Variants in ST6GALNAC3 observed in about 807,000 individuals in gnomAD.
ST6GALNAC3 encodes alpha-N-acetylgalactosaminide alpha-2,6-sialyltransferase 3.
ST6GALNAC3 carries 25 observed loss-of-function variants against 32.7 expected under a neutral mutation model. That is an observed-to-expected ratio of 0.76 (90% CI 0.56 to 1.07). ST6GALNAC3 has a LOEUF of 1.07. Among genes scored for constraint, ST6GALNAC3 ranks in the 50% least tolerant of loss-of-function variants. The pLI, the probability that ST6GALNAC3 is intolerant of heterozygous loss-of-function variation, is 0.00. For synonymous variants in ST6GALNAC3, 129 were observed against 133.1 expected (o/e 0.97, Z 0.21); for missense variants, 355 against 382.4 (o/e 0.93, Z 0.60).
chr1:76,500,218 A>G (rs1424191862), intron 3 of ST6GALNAC3, among the ~76,000 whole-genome samples: 1 of 152,220 alleles, frequency 6.6e-6, no homozygotes, highest in Non-Finnish European at 1.5e-5. Context: ...AATCAGTATT[A>G]TATGAATACT....
chr1:76,217,008 T>C (rs935629801), intron 1 of ST6GALNAC3, among the ~76,000 whole-genome samples: 2 of 152,240 alleles, frequency 1.3e-5, no homozygotes, highest in Admixed American at 1.3e-4. Context: ...AATCTTCAAA[T>C]TGTACTAAAA....
chr1:76,144,141 T>A (rs766889248), intron 1 of ST6GALNAC3, among the ~76,000 whole-genome samples: 1 of 152,048 alleles, frequency 6.6e-6, no homozygotes, highest in African/African-American at 2.4e-5. Context: ...TAAAACCTCA[T>A]GAGAAGCATG....
At chr1:76,298,132 T>C (rs1268277461) in intron 1 of ST6GALNAC3, among the ~76,000 whole-genome samples, 1 of 151,636 alleles carries the variant, frequency 6.6e-6, no homozygotes, top group Admixed American at 6.6e-5. Flanking sequence ...GGGGCTTTTA[T>C]AACATGTTAA....
intron 1 of ST6GALNAC3, among the ~76,000 whole-genome samples, chr1:76,238,120 G>C (rs1656760936): frequency 6.6e-6 from 1 of 152,182 alleles, no homozygotes; most frequent in South Asian, 2.1e-4. Context: ...TACTTTTCTG[G>C]CAATGCCTTT....
chr1:76,232,484 G>A (rs1198091180), intron 1 of ST6GALNAC3, among the ~76,000 whole-genome samples: 1 of 152,168 alleles, frequency 6.6e-6, no homozygotes, highest in Non-Finnish European at 1.5e-5. Flanking sequence ...ATTCCACTCA[G>A]GTGGGACCAA....
At chr1:76,207,702 G>A (rs575582601) in intron 1 of ST6GALNAC3, among the ~76,000 whole-genome samples, 1 of 152,190 alleles carries the variant, frequency 6.6e-6, no homozygotes, top group Non-Finnish European at 1.5e-5. Context: ...TTACTTAATA[G>A]CATTACTAAG....
At chr1:76,524,082 T>C (rs1039940116) in intron 3 of ST6GALNAC3, among the ~76,000 whole-genome samples, 2 of 152,174 alleles carry the variant, frequency 1.3e-5, no homozygotes, top group Non-Finnish European at 2.9e-5. Flanking sequence ...GATTTTTGTG[T>C]TTGTTTTGTT....
chr1:76,125,212 A>G (rs544647586), intron 1 of ST6GALNAC3, among the ~76,000 whole-genome samples: 12 of 152,300 alleles, frequency 7.9e-5, no homozygotes, highest in African/African-American at 2.9e-4. Flanking sequence ...GCTGGAATCC[A>G]TATTTAGAGT....
At chr1:76,438,496 A>G (rs1656326684) in intron 3 of ST6GALNAC3, among the ~76,000 whole-genome samples, 1 of 152,214 alleles carries the variant, frequency 6.6e-6, no homozygotes. Flanking sequence ...AAACCTCTTC[A>G]ACATCCTTGT....
intron 1 of ST6GALNAC3, among the ~76,000 whole-genome samples, chr1:76,105,153 G>C (rs865956017): frequency 6.6e-6 from 1 of 152,116 alleles, no homozygotes; most frequent in African/African-American, 2.4e-5. Flanking sequence ...TTACAGAAGT[G>C]GAGGGAATAG....
intron 2 of ST6GALNAC3, among the ~76,000 whole-genome samples, chr1:76,388,181 C>T (rs912722716): frequency 6.6e-6 from 1 of 152,080 alleles, no homozygotes; most frequent in Non-Finnish European, 1.5e-5. Flanking sequence ...CTTTTTACTC[C>T]CACTTATTAA....
intron 1 of ST6GALNAC3, among the ~76,000 whole-genome samples, chr1:76,222,270 T>C (rs894584242): frequency 1.2e-4 from 19 of 152,074 alleles, no homozygotes; most frequent in Non-Finnish European, 1.9e-4. Flanking sequence ...TAAAGACTTA[T>C]ATGCAAAACC....
At chr1:76,308,695 C>A (rs2893416) in intron 1 of ST6GALNAC3, among the ~76,000 whole-genome samples, 130,168 of 152,162 alleles carry the variant, frequency 0.86, 55,889 homozygotes, top group Non-Finnish European at 0.9. Flanking sequence ...ACTTGAAACA[C>A]GGCATTGTGG....
At chr1:76,273,318 G>GA (rs147477452) in intron 1 of ST6GALNAC3, among the ~76,000 whole-genome samples, 18 of 147,776 alleles carry the variant, frequency 1.2e-4, no homozygotes, top group Admixed American at 3.4e-4. Flanking sequence ...AAAAAAATAG[G>GA]AAAAAAAAAC....
chr1:76,455,336 C>G (rs1209550203), intron 3 of ST6GALNAC3, among the ~76,000 whole-genome samples: 1 of 151,978 alleles, frequency 6.6e-6, no homozygotes, highest in Non-Finnish European at 1.5e-5. Context: ...GCTGCTGATT[C>G]ATATTTAAGA....
At position 76,293,997 on chromosome 1, in the gene ST6GALNAC3, T is replaced by G. The variant is rs1490474819; in HGVS notation, c.19-19808T>G. On this transcript the variant is annotated intron_variant, in intron 1 of 4. Coordinates refer to ENST00000328299, the MANE Select transcript of ST6GALNAC3 (RefSeq NM_152996.4). ...AAACTGGTCATTTATACAAAACCGT[T>G]TGTGGAGCATGTAGACTTCCTTTGC... is the stretch of plus-strand genomic sequence containing the variant. Among the ~76,000 whole-genome samples, 7 of 152,168 alleles carry G rather than the reference T, an allele frequency of 4.6e-5. No individual in the cohort carries two copies. In the East Asian group the frequency reaches 5.8e-4, roughly 13 times the overall value.
intron 2 of ST6GALNAC3, among the ~76,000 whole-genome samples, chr1:76,409,313 G>A (rs918450527): frequency 6.6e-6 from 1 of 152,094 alleles, no homozygotes; most frequent in African/African-American, 2.4e-5. Context: ...AGAGTTTTAA[G>A]ACAACTCATA....
chr1:76,118,063 T>C (rs12407031), intron 1 of ST6GALNAC3, among the ~76,000 whole-genome samples: 32,355 of 152,062 alleles, frequency 0.21, 4,449 homozygotes, highest in African/African-American at 0.38. Flanking sequence ...TGGTGGTTTG[T>C]TGCACCTGTC....
chr1:76,579,252 C>T (rs1024585781), intron 3 of ST6GALNAC3, among the ~76,000 whole-genome samples: 1 of 151,988 alleles, frequency 6.6e-6, no homozygotes, highest in Admixed American at 6.6e-5. Flanking sequence ...GCATCGATCA[C>T]CAGCTCCAGA....
Sources: gnomAD v4.1 joint callset for allele counts (sites outside exome capture counted in the v4.1 genomes callset) on GRCh38, gnomAD v4.1.1 for gene constraint, MANE v1.5 for transcripts, NCBI Gene and HGNC (gene_info 2026-07-23, HGNC 2026-07-21) for gene names.